SALL4: variants seen among roughly 807,000 people sequenced by gnomAD.
SALL4 encodes spalt like transcription factor 4, also known as sal-like protein 4.
SALL4 carries 4 observed loss-of-function variants against 60.8 expected under a neutral mutation model. That is an observed-to-expected ratio of 0.07 (90% CI 0.03 to 0.15). The LOEUF is 0.15. SALL4 is among the 10% of genes least tolerant of loss of function. The pLI, the probability that SALL4 is intolerant of heterozygous loss-of-function variation, is 1.00. For synonymous variants in SALL4, 580 were observed against 574.9 expected (o/e 1.01, Z -0.13); for missense variants, 1,178 against 1,394.7 (o/e 0.84, Z 2.48).
chr20:51,792,710 G>A (rs1364500562), intron 1 of SALL4: 5,230 of 431,308 alleles, frequency 0.012, 109 homozygotes, highest in African/African-American at 0.031. Flanking sequence ...AAAAAAAAAA[G>A]GCAAAAAGGC....
intron 3 of SALL4, among the ~76,000 whole-genome samples, chr20:51,786,369 C>G (rs1669330057): frequency 6.6e-6 from 1 of 152,116 alleles, no homozygotes; most frequent in Non-Finnish European, 1.5e-5. Context: ...GCTGGGATTA[C>G]AGGCGTGAGC....
In SALL4 at chr20:51,790,113, C is replaced by G. The variant is rs570760124; in HGVS notation, c.2370G>C (p.Pro790=). The G allele has an allele frequency of 1.7e-5, 28 of 1,613,996 alleles. No individual in the cohort carries two copies. The highest frequency in any genetic ancestry group is 1.6e-4 in the Middle Eastern group (1 of 6,084). ...TGATGCTTTCGGCTTGACTATTGGC[C>G]GGGGAGAGTGCCTGGAAGGATGTGG... is the stretch of plus-strand genomic sequence containing the variant. The part of the protein sequence containing the change: ...LETTSFQALS[P]ANSQAESIKS... The change falls in exon 2 of 4, where the codon CCG becomes CCC. Residue 790 remains proline, a synonymous_variant. Transcript: ENST00000217086. This position sits in a 1 kb window ranked among gnomAD's most constrained non-coding sequence, Gnocchi z 5.5.
intron 3 of SALL4, among the ~76,000 whole-genome samples, chr20:51,785,243 G>A (rs2077983680): frequency 6.6e-6 from 1 of 152,118 alleles, no homozygotes; most frequent in Non-Finnish European, 1.5e-5. Context: ...GGAGGTTGCA[G>A]TGAGCCAAGA....
intron 1 of SALL4, among the ~76,000 whole-genome samples, chr20:51,797,128 T>C (rs2078083866): frequency 6.6e-6 from 1 of 151,926 alleles, no homozygotes; most frequent in Non-Finnish European, 1.5e-5. Context: ...ACTTGTGACT[T>C]TGTCATCAGT....
intron 1 of SALL4, among the ~76,000 whole-genome samples, chr20:51,794,167 G>A (rs773131101): frequency 2.6e-5 from 4 of 152,200 alleles, no homozygotes; most frequent in African/African-American, 4.8e-5. Context: ...CTCCTACTGC[G>A]TGCAAAGCAG....
At chr20:51,786,429 C>T (rs1371330860) in intron 3 of SALL4, among the ~76,000 whole-genome samples, 1 of 151,712 alleles carries the variant, frequency 6.6e-6, no homozygotes, top group Non-Finnish European at 1.5e-5. Flanking sequence ...ACTGGATCTC[C>T]TTATGTTGCT....
rs1191157951 is a variant in SALL4 at position 51,790,018 on chromosome 20, T to C, written c.2461+4A>G. 1.9e-6 allele frequency: 3 copies of C among 1,614,188 alleles called. No individual in the cohort carries two copies. The highest frequency in any genetic ancestry group is 2.5e-6 in the Non-Finnish European group (3 of 1,180,038). On this transcript the variant is annotated splice_donor_region_variant and intron_variant, in intron 2 of 3. Transcript: ENST00000217086. The surrounding 1 kb of genome is among the most constrained non-coding windows in gnomAD (Gnocchi z 5.5). Reference sequence around the variant, plus strand: ...GACATAAGTTAAATCCAAAGCTCTATCACCTTCCATCTCAGTGCGGCTGTT... The same window carrying C: ...GACATAAGTTAAATCCAAAGCTCTACCACCTTCCATCTCAGTGCGGCTGTT...
intron 3 of SALL4, among the ~76,000 whole-genome samples, chr20:51,787,909 C>A (rs1342005899): frequency 6.6e-6 from 1 of 152,000 alleles, no homozygotes; most frequent in Admixed American, 6.5e-5. Context: ...GAAGCCTCGA[C>A]CTCCCAGGTT....
chr20:51,798,582 G>C (rs1467945840), intron 1 of SALL4, among the ~76,000 whole-genome samples: 1 of 152,112 alleles, frequency 6.6e-6, no homozygotes, highest in East Asian at 1.9e-4. Flanking sequence ...TGATGAGGAA[G>C]GGACAACTTC....
At chr20:51,798,688 A>T (rs2078093124) in intron 1 of SALL4, among the ~76,000 whole-genome samples, 1 of 152,070 alleles carries the variant, frequency 6.6e-6, no homozygotes, top group Non-Finnish European at 1.5e-5. Context: ...CTCTTCATCT[A>T]AACCGTGTGA....
intron 1 of SALL4, among the ~76,000 whole-genome samples, 200 bp downstream of exon 1, chr20:51,802,079 A>G (rs1463482943): frequency 6.6e-6 from 1 of 151,678 alleles, no homozygotes; most frequent in African/African-American, 2.4e-5. Flanking sequence ...AAGAGGGGAG[A>G]AGAGGAAAAA....
At position 51,784,198 on chromosome 20, in the gene SALL4, T is replaced by C; in HGVS notation, c.*67A>G. On this transcript the variant is annotated 3_prime_UTR_variant, in exon 4 of 4. Coordinates refer to ENST00000217086, the MANE Select transcript of SALL4 (RefSeq NM_020436.5). Reference sequence around the variant, plus strand: ...AAAGAAAACAGGAGGAGATGAGTTCTTACAAAACAAAGCAGATTCTAGAGA... The same window carrying C: ...AAAGAAAACAGGAGGAGATGAGTTCCTACAAAACAAAGCAGATTCTAGAGA... The C allele has an allele frequency of 6.3e-7, 1 of 1,580,160 alleles. No homozygotes were observed. Among genetic ancestry groups the C allele is most frequent in the Non-Finnish European group, 8.7e-7 (1 of 1,152,718 alleles).
rs575685606 is a variant in SALL4, at chr20:51,790,390, G to T, written c.2093C>A (p.Ser698Tyr). Residue 698 changes from serine to tyrosine, a missense_variant, in exon 2 of 4, where the codon TCC (serine) becomes TAC (tyrosine). Ser to Tyr is a moderately radical substitution (Grantham distance 144). Around this residue, in one of 5 missense-constraint regions of SALL4, gnomAD observed 853 missense variants for 1,036.8 expected, o/e 0.82. Transcript: ENST00000217086. The surrounding 1 kb of genome is among the most constrained non-coding windows in gnomAD (Gnocchi z 5.5). ...GGAGGAGCTGCTGGGAGCCTCCTGG[G>T]AGCTGACTTCCTCTACATCGATGCT... is the stretch of plus-strand genomic sequence containing the variant. Reference protein sequence around the residue: ...IESIDVEEVSSQEAPSSSSKV... With the variant: ...IESIDVEEVSYQEAPSSSSKV... 1.9e-6 allele frequency: 3 copies of T among 1,614,058 alleles called. No homozygotes were observed. The highest frequency in any genetic ancestry group is 1.7e-5 in the Admixed American group (1 of 60,022).
chr20:51,792,940 G>A, intron 1 of SALL4: 1 of 994,280 alleles, frequency 1.0e-6, no homozygotes, highest in Non-Finnish European at 1.2e-6. Flanking sequence ...GGGGCCACAG[G>A]ACAAAGACAG....
intron 2 of SALL4, among the ~76,000 whole-genome samples, chr20:51,789,360 A>T (rs774020623): frequency 4.0e-5 from 6 of 151,114 alleles, no homozygotes; most frequent in East Asian, 1.9e-4. Flanking sequence ...TTTTTTTTTT[A>T]AAGGCATGGG....
chr20:51,802,518 AATTATT>A, exon 1 of SALL4: 1 of 1,516,232 alleles, frequency 6.6e-7, no homozygotes, highest in Non-Finnish European at 9.0e-7. Flanking sequence ...ATGTCCCAGT[AATTATT>A]ATTATCAATA....
intron 3 of SALL4, among the ~76,000 whole-genome samples, chr20:51,785,409 A>T (rs73139659): frequency 0.061 from 9,307 of 152,274 alleles, 524 homozygotes; most frequent in African/African-American, 0.15. Flanking sequence ...ATCTCTACTG[A>T]ATGCCTATCA....
intron 1 of SALL4, among the ~76,000 whole-genome samples, chr20:51,796,156 G>A (rs1240195984): frequency 7.3e-6 from 1 of 136,478 alleles, no homozygotes; most frequent in Non-Finnish European, 1.5e-5. Context: ...CCGAGATTGC[G>A]CCACTGCACT....
intron 1 of SALL4, among the ~76,000 whole-genome samples, chr20:51,800,862 T>A (rs933485407): frequency 1.3e-5 from 2 of 152,214 alleles, no homozygotes; most frequent in Non-Finnish European, 2.9e-5. Context: ...TCCTTTTAAT[T>A]TGCCCTGGAA....
Sources: gnomAD v4.1 joint callset for allele counts (sites outside exome capture counted in the v4.1 genomes callset) on GRCh38, gnomAD v4.1.1 for gene constraint, gnomAD v4.1.1 regional missense constraint, Gnocchi (gnomAD v3.1) non-coding constraint, MANE v1.5 for transcripts, NCBI Gene and HGNC (gene_info 2026-07-23, HGNC 2026-07-21) for gene names.